The following RMDN2 variants were observed in gnomAD, a reference collection of about 807,000 sequenced individuals.
The protein encoded by RMDN2 is regulator of microtubule dynamics 2.
A neutral mutation model predicts 52.8 loss-of-function variants in RMDN2; 61 were observed. The observed-to-expected ratio is 1.16, with a 90% CI of 0.94 to 1.43. The LOEUF (loss-of-function observed/expected upper bound fraction) is 1.43. Among genes scored for constraint, RMDN2 ranks in the 40% most tolerant of loss-of-function variants. RMDN2 has a pLI of 0.00. For synonymous variants in RMDN2, 180 were observed against 153.1 expected (o/e 1.18, Z -1.30); for missense variants, 592 against 475.3 (o/e 1.25, Z -2.28).
chr2:38,039,089 C>CAGAGAG (rs1339806273), intron 10 of RMDN2, among the ~76,000 whole-genome samples: 1 of 111,282 alleles, frequency 9.0e-6, no homozygotes, highest in African/African-American at 3.4e-5. Flanking sequence ...CACACACACA[C>CAGAGAG]ACACAGAGAG....
At chr2:37,952,987 T>G (rs1669034006) in intron 2 of RMDN2, 1 of 151,966 alleles carries the variant, frequency 6.6e-6, no homozygotes, top group Non-Finnish European at 1.5e-5. Context: ...TAAAAATGCA[T>G]GTAAGCAATT....
intron 10 of RMDN2, among the ~76,000 whole-genome samples, chr2:38,061,634 T>TACACAC (rs770985216): frequency 9.5e-6 from 1 of 105,476 alleles, no homozygotes; most frequent in Non-Finnish European, 2.1e-5. Context: ...TCACACACAG[T>TACACAC]ACACACACAC....
chr2:37,996,226 C>A (rs546199973), intron 7 of RMDN2, among the ~76,000 whole-genome samples: 1 of 151,858 alleles, frequency 6.6e-6, no homozygotes, highest in South Asian at 2.1e-4. Flanking sequence ...AAGTTCAAAG[C>A]GAAGCAAAAA....
intron 10 of RMDN2, 128 bp from the exon 11 acceptor site, chr2:38,017,058 G>T (rs369178242): frequency 2.4e-6 from 1 of 418,188 alleles, no homozygotes; most frequent in South Asian, 8.1e-5. Flanking sequence ...GTGATTGCAC[G>T]TACCCTCATG....
chr2:38,053,237 A>C (rs1167772323), intron 10 of RMDN2, among the ~76,000 whole-genome samples: 1 of 152,224 alleles, frequency 6.6e-6, no homozygotes, highest in Non-Finnish European at 1.5e-5. Context: ...TGCTGTCTAA[A>C]TATAATTGCC....
At position 37,929,745 on chromosome 2, in the gene RMDN2, A is replaced by G. The variant is rs1217144958; in HGVS notation, c.452+16A>G. The G allele has an allele frequency of 4.8e-6, 7 of 1,453,422 alleles. No individual in the cohort carries two copies. Among genetic ancestry groups the G allele is most frequent in the Non-Finnish European group, 5.5e-6 (6 of 1,092,776 alleles). 90.0% of individuals were successfully genotyped at this position (1,453,422 alleles called of 1,614,324 possible). A position where few individuals can be genotyped will look rare whatever the true frequency, so the allele number is the denominator to read the frequency against. On this transcript the variant is annotated intron_variant, in intron 2 of 10. Transcript: ENST00000354545. ...GTGAAGGAGGGTAAGTTTCTTTAAG[A>G]TATTTCCTATGTTGAATTGGTTATT... is the stretch of plus-strand genomic sequence containing the variant.
chr2:37,929,967 G>A (rs1448283607), intron 2 of RMDN2, among the ~76,000 whole-genome samples: 2 of 152,200 alleles, frequency 1.3e-5, no homozygotes, highest in African/African-American at 4.8e-5. Context: ...GGTATTATGT[G>A]AATATTGAGG....
chr2:37,921,108 CAT>C (rs1666017600), upstream of RMDN2, among the ~76,000 whole-genome samples: 1 of 152,186 alleles, frequency 6.6e-6, no homozygotes, highest in Admixed American at 6.5e-5. Context: ...AGTAGCATAA[CAT>C]AAATATCGTT....
intron 10 of RMDN2, among the ~76,000 whole-genome samples, chr2:38,015,795 T>C (rs1678689896): frequency 6.6e-6 from 1 of 152,160 alleles, no homozygotes; most frequent in African/African-American, 2.4e-5. Flanking sequence ...ATGTCAATAC[T>C]GAGATTCGTA....
At chr2:38,038,229 TCCTCTCCTGGAGGGAGCGCAGCGC>T (rs1558578798) in intron 10 of RMDN2, among the ~76,000 whole-genome samples, 1 of 152,086 alleles carries the variant, frequency 6.6e-6, no homozygotes, top group South Asian at 2.1e-4. Flanking sequence ...AGACGCAGCG[TCCTCTCCTGGAGGGAGCGCAGCGC>T]CCCCCGGGCG....
chr2:38,020,113 TTCCCTGGA>T (rs1280409947), downstream of RMDN2, among the ~76,000 whole-genome samples: 1 of 152,132 alleles, frequency 6.6e-6, no homozygotes, highest in East Asian at 1.9e-4. Flanking sequence ...AAGACAATTT[TTCCCTGGA>T]TCCGCGGGTG....
At chr2:38,013,482 C>A (rs1008643524) in intron 10 of RMDN2, among the ~76,000 whole-genome samples, 1 of 152,102 alleles carries the variant, frequency 6.6e-6, no homozygotes, top group African/African-American at 2.4e-5. Flanking sequence ...GTTAAGAGCA[C>A]GTTATATTTA....
chr2:37,941,562 A>G (rs1469631456), intron 2 of RMDN2, among the ~76,000 whole-genome samples: 3 of 152,172 alleles, frequency 2.0e-5, no homozygotes, highest in African/African-American at 7.2e-5. Flanking sequence ...CCAGACTGAG[A>G]CTACCGCCTG....
At chr2:38,067,124 C>T (rs1316698064) in exon 11 of RMDN2, 6 of 841,142 alleles carry the variant, frequency 7.1e-6, no homozygotes, top group Non-Finnish European at 4.0e-6. Context: ...GGCAATAAAA[C>T]ATTTCCACAT....
intron 2 of RMDN2, among the ~76,000 whole-genome samples, chr2:37,962,508 G>A (rs1186320784): frequency 6.6e-6 from 1 of 152,152 alleles, no homozygotes; most frequent in Non-Finnish European, 1.5e-5. Flanking sequence ...AAAACCGCCT[G>A]CTCAAGCCTC....
chr2:37,968,330 C>G (rs1207266717), intron 2 of RMDN2, among the ~76,000 whole-genome samples: 1 of 113,934 alleles, frequency 8.8e-6, no homozygotes, highest in Non-Finnish European at 1.7e-5. Flanking sequence ...GTAATCCCAG[C>G]TTGGGGGGCT....
At chr2:38,026,243 G>A (rs1415600113) in intron 10 of RMDN2, among the ~76,000 whole-genome samples, 2 of 151,898 alleles carry the variant, frequency 1.3e-5, no homozygotes, top group African/African-American at 4.8e-5. Flanking sequence ...AAATTTGTTG[G>A]CACAAATTTA....
intron 10 of RMDN2, among the ~76,000 whole-genome samples, chr2:38,044,084 G>T (rs1299609448): frequency 6.6e-6 from 1 of 151,932 alleles, no homozygotes; most frequent in Admixed American, 6.5e-5. Context: ...GACCTGCCTT[G>T]CAAGAAAATT....
intron 7 of RMDN2, among the ~76,000 whole-genome samples, chr2:37,996,695 C>T (rs1372294792): frequency 6.6e-6 from 1 of 151,518 alleles, no homozygotes; most frequent in East Asian, 1.9e-4. Context: ...CAAGCATCAA[C>T]TGGGTCAATA....
Sources: allele counts gnomAD v4.1 joint callset (sites outside exome capture counted in the v4.1 genomes callset), GRCh38; gene constraint gnomAD v4.1.1; transcripts MANE v1.5; gene names NCBI Gene and HGNC (gene_info 2026-07-23, HGNC 2026-07-21).